SND1: variants seen among roughly 807,000 people sequenced by gnomAD.
SND1 encodes the protein staphylococcal nuclease and tudor domain containing 1.
Under a neutral mutation model 121.7 loss-of-function variants are expected in SND1, and 38 were observed. The ratio of observed to expected loss-of-function variants is 0.31; its 90% CI spans 0.24 to 0.41. The LOEUF (loss-of-function observed/expected upper bound fraction) is 0.41. Ranked by LOEUF, SND1 falls within the 10% of genes least tolerant of loss-of-function variation. SND1 has a pLI of 1.00. For missense variants in SND1, 868 were observed against 1,184.6 expected (o/e 0.73, Z 3.92); for synonymous variants, 401 against 447.4 (o/e 0.90, Z 1.31).
chr7:127,686,135 C>A (rs1361614886), intron 1 of SND1: 2 of 153,158 alleles, frequency 1.3e-5, no homozygotes, highest in East Asian at 3.9e-4. Context: ...GGTGATCCAC[C>A]CGCCTTGGCC....
At chr7:127,867,517 G>GAT (rs1005988262) in intron 12 of SND1, among the ~76,000 whole-genome samples, 1 of 152,116 alleles carries the variant, frequency 6.6e-6, no homozygotes, top group African/African-American at 2.4e-5. Flanking sequence ...TTACTCAAAT[G>GAT]ATCGCGTCTT....
chr7:128,045,530 A>G (rs1465058239), intron 16 of SND1, among the ~76,000 whole-genome samples: 1 of 152,152 alleles, frequency 6.6e-6, no homozygotes, highest in African/African-American at 2.4e-5. Context: ...GGATTCAGCC[A>G]CCTAATATTT....
At chr7:127,695,823 T>A (rs1414292191) in intron 3 of SND1, among the ~76,000 whole-genome samples, 3 of 152,102 alleles carry the variant, frequency 2.0e-5, no homozygotes, top group Admixed American at 2.0e-4. Context: ...GAGATCCTGG[T>A]CAAAAAACAA....
At chr7:128,026,369 G>A (rs1803478130) in intron 16 of SND1, among the ~76,000 whole-genome samples, 1 of 152,182 alleles carries the variant, frequency 6.6e-6, no homozygotes, top group Admixed American at 6.5e-5. Flanking sequence ...TATATACCCA[G>A]GAGGATTAAG....
intron 12 of SND1, among the ~76,000 whole-genome samples, chr7:127,871,406 C>G (rs1799583414): frequency 6.6e-6 from 1 of 152,146 alleles, no homozygotes; most frequent in African/African-American, 2.4e-5. Flanking sequence ...ACCAGCATCA[C>G]CACAAACTTG....
chr7:127,712,974 A>T (rs1192765251), intron 9 of SND1, among the ~76,000 whole-genome samples: 1 of 152,254 alleles, frequency 6.6e-6, no homozygotes, highest in African/African-American at 2.4e-5. Context: ...TTATTTCCTT[A>T]GAAATTATTT....
At chr7:127,767,144 G>A (rs1797437410) in intron 10 of SND1, among the ~76,000 whole-genome samples, 2 of 152,116 alleles carry the variant, frequency 1.3e-5, no homozygotes, top group South Asian at 2.1e-4. Flanking sequence ...TTCATTTGTT[G>A]ATGGCATTCC....
At chr7:127,842,604 G>T (rs1042067822) in intron 11 of SND1, among the ~76,000 whole-genome samples, 13 of 152,118 alleles carry the variant, frequency 8.5e-5, no homozygotes, top group Non-Finnish European at 1.9e-4. Flanking sequence ...GTATCTTTTT[G>T]ATTTACATAC....
At chr7:127,955,643 C>T (rs1346388610) in intron 15 of SND1, among the ~76,000 whole-genome samples, 1 of 152,114 alleles carries the variant, frequency 6.6e-6, no homozygotes, top group African/African-American at 2.4e-5. Context: ...CCCCCCAGTC[C>T]CCTTTCTCAG....
At chr7:127,746,288 ATTATCT>A (rs928082285) in intron 10 of SND1, among the ~76,000 whole-genome samples, 3 of 152,220 alleles carry the variant, frequency 2.0e-5, no homozygotes, top group African/African-American at 7.2e-5. Context: ...GACTGTAATC[ATTATCT>A]TATAGCAACA....
chr7:127,784,182 T>C (rs757814962), intron 10 of SND1, among the ~76,000 whole-genome samples: 6 of 152,224 alleles, frequency 3.9e-5, no homozygotes, highest in Admixed American at 6.5e-5. Flanking sequence ...TTACACAGCT[T>C]TTTGGCTCAC....
At chr7:127,827,084 C>A (rs1420572350) in intron 11 of SND1, among the ~76,000 whole-genome samples, 2 of 152,154 alleles carry the variant, frequency 1.3e-5, no homozygotes, top group Non-Finnish European at 2.9e-5. Context: ...AGATATTATT[C>A]TGATATTTAG....
chr7:127,716,286 A>C (rs143655436), intron 9 of SND1, among the ~76,000 whole-genome samples: 1 of 152,290 alleles, frequency 6.6e-6, no homozygotes, highest in Non-Finnish European at 1.5e-5. Flanking sequence ...TACATCTGTA[A>C]ATCGCTTTTG....
intron 10 of SND1, among the ~76,000 whole-genome samples, chr7:127,724,672 A>T (rs1587621810): frequency 6.6e-6 from 1 of 152,316 alleles, no homozygotes; most frequent in South Asian, 2.1e-4. Flanking sequence ...AGAATTTTGA[A>T]TTGGTGAGTG....
At position 128,026,183 on chromosome 7, in the gene SND1, C is replaced by A. The variant is rs184205601; in HGVS notation, c.1779+35127C>A. On this transcript the variant is annotated intron_variant, in intron 16 of 23. Coordinates refer to ENST00000354725, the MANE Select transcript of SND1 (RefSeq NM_014390.4). The stretch of plus-strand genomic sequence containing the variant: ...AGGGAGTAATTTCTTGCTTTTTCAC[C>A]TGGTCCTAGCCAAGTCCCACCCTTT... Among the ~76,000 whole-genome samples the A allele has an allele frequency of 1.8e-3, 276 of 152,286 alleles. 1 individual carries two copies. The highest frequency in any genetic ancestry group is 3.0e-3 in the Non-Finnish European group (206 of 68,026).
intron 10 of SND1, among the ~76,000 whole-genome samples, chr7:127,766,740 C>G (rs961327248): frequency 8.6e-6 from 1 of 116,434 alleles, no homozygotes; most frequent in Non-Finnish European, 1.6e-5. Context: ...CCACTGCACT[C>G]CAGCCTGGGT....
chr7:127,798,409 G>T (rs2402870), intron 10 of SND1, among the ~76,000 whole-genome samples: 4 of 151,888 alleles, frequency 2.6e-5, no homozygotes, highest in African/African-American at 9.7e-5. Flanking sequence ...TGGCCAGGTT[G>T]GTTTGCTGTC....
intron 11 of SND1, among the ~76,000 whole-genome samples, chr7:127,808,273 C>A (rs1483927977): frequency 1.3e-5 from 2 of 151,414 alleles, no homozygotes; most frequent in African/African-American, 4.9e-5. Context: ...AGCATTTCTA[C>A]CACCTCAGCC....
intron 12 of SND1, among the ~76,000 whole-genome samples, chr7:127,880,179 C>T (rs998144558): frequency 6.6e-5 from 10 of 152,184 alleles, no homozygotes; most frequent in African/African-American, 2.2e-4. Context: ...ACACTACCTG[C>T]ATCTTAGTCT....
Sources: allele counts gnomAD v4.1 joint callset (sites outside exome capture counted in the v4.1 genomes callset), GRCh38; gene constraint gnomAD v4.1.1; transcripts MANE v1.5; gene names NCBI Gene and HGNC (gene_info 2026-07-23, HGNC 2026-07-21).